SOX6: variants seen among roughly 807,000 people sequenced by gnomAD.
SOX6 encodes the protein SRY-box transcription factor 6, also known as transcription factor SOX-6.
A neutral mutation model predicts 97.8 loss-of-function variants in SOX6; 11 were observed. The ratio of observed to expected loss-of-function variants is 0.11; its 90% CI spans 0.07 to 0.19. The LOEUF (loss-of-function observed/expected upper bound fraction) is 0.19, where lower values mean the gene tolerates loss of function less well. SOX6 is among the 10% of genes least tolerant of loss of function. The pLI is 1.00. For missense variants in SOX6, 810 were observed against 1,039.5 expected (o/e 0.78, Z 3.04); for synonymous variants, 360 against 371.4 (o/e 0.97, Z 0.35).
At chr11:16,384,303 A>G (rs1298809167) in intron 1 of SOX6, among the ~76,000 whole-genome samples, 2 of 151,950 alleles carry the variant, frequency 1.3e-5, no homozygotes, top group Admixed American at 1.3e-4. Flanking sequence ...TAAGAAATAC[A>G]TAAATGTGCA....
intron 3 of SOX6, among the ~76,000 whole-genome samples, chr11:16,639,070 T>A (rs2134002395): frequency 6.6e-6 from 1 of 152,330 alleles, no homozygotes; most frequent in Admixed American, 6.5e-5. Context: ...ATTTAAGTCT[T>A]TAATCCATCT....
intron 4 of SOX6, among the ~76,000 whole-genome samples, chr11:16,572,756 C>T (rs962278205): frequency 5.9e-5 from 9 of 152,190 alleles, no homozygotes; most frequent in African/African-American, 1.9e-4. Flanking sequence ...TCAACCTAAC[C>T]ATTTTTATTT....
chr11:16,219,298 C>T (rs187466704), intron 4 of SOX6, among the ~76,000 whole-genome samples: 6 of 152,088 alleles, frequency 3.9e-5, no homozygotes, highest in Admixed American at 3.3e-4. Flanking sequence ...ATTGGCTCAG[C>T]GTTTTTAAGG....
chr11:16,626,947 A>G (rs1166891559), intron 3 of SOX6, among the ~76,000 whole-genome samples: 2 of 152,168 alleles, frequency 1.3e-5, no homozygotes, highest in African/African-American at 4.8e-5. Flanking sequence ...ATAATACCCA[A>G]TAGTTTTTCA....
chr11:16,175,385 A>C (rs1216600734), intron 6 of SOX6, among the ~76,000 whole-genome samples: 1 of 124,906 alleles, frequency 8.0e-6, no homozygotes. Flanking sequence ...GAATTAGGAA[A>C]TACAGGCTGA....
At chr11:16,510,161 T>C (rs114928903) in intron 4 of SOX6, among the ~76,000 whole-genome samples, 2,236 of 152,164 alleles carry the variant, frequency 0.015, 59 homozygotes, top group African/African-American at 0.051. Flanking sequence ...TCAGAAGCTG[T>C]TAATTCACAA....
In SOX6 at chr11:15,966,843, C is replaced by T. The variant is rs773148938; in HGVS notation, c.*5966G>A. The T allele has an allele frequency of 1.3e-5, 2 of 152,188 alleles. No individual in the cohort carries two copies. The highest frequency in any genetic ancestry group is 2.9e-5 in the Non-Finnish European group (2 of 68,030). The allele number at this position is 152,188 out of a possible 1,614,324, so 9.4% of individuals were successfully genotyped here. Reference sequence around the variant, plus strand: ...TTTATCTCACGTCAATACTGCACAACAAAATCCAAGAAGTTTGTGTATGCA... The same window carrying T: ...TTTATCTCACGTCAATACTGCACAATAAAATCCAAGAAGTTTGTGTATGCA... On this transcript the variant is annotated 3_prime_UTR_variant, in exon 16 of 16. Coordinates refer to ENST00000683767, the MANE Select transcript of SOX6 (RefSeq NM_001367873.1).
chr11:15,986,953 T>C (rs556491332), intron 14 of SOX6, among the ~76,000 whole-genome samples: 8 of 152,280 alleles, frequency 5.3e-5, no homozygotes, highest in Admixed American at 2.0e-4. Flanking sequence ...AAACCTAAGC[T>C]CTACCTAAGA....
At chr11:16,069,621 T>C (rs1330386203) in intron 9 of SOX6, among the ~76,000 whole-genome samples, 2 of 152,216 alleles carry the variant, frequency 1.3e-5, no homozygotes, top group African/African-American at 4.8e-5. Context: ...AAGGTAATTA[T>C]AATCATGTTA....
chr11:16,060,704 G>T (rs1564931715), intron 9 of SOX6, among the ~76,000 whole-genome samples: 1 of 151,824 alleles, frequency 6.6e-6, no homozygotes, highest in Non-Finnish European at 1.5e-5. Context: ...AGTTGAATTT[G>T]TTCCATGTGT....
In SOX6 at chr11:16,183,728, T is replaced by A. The variant is rs183521659; in HGVS notation, c.777+158A>T. Among the ~76,000 whole-genome samples, 11 of 152,222 alleles carry A rather than the reference T, an allele frequency of 7.2e-5. No individual in the cohort carries two copies. The East Asian group carries it at 2.1e-3, about 29-fold the overall frequency. On this transcript the variant is annotated intron_variant, in intron 6 of 15. Coordinates refer to ENST00000683767, the MANE Select transcript of SOX6 (RefSeq NM_001367873.1). ...TGCTTAGGCCACCATCTAGTCCATATTTCTTACATTCAATTATAGAATTGT... is the reference window on the plus strand; with the variant it reads ...TGCTTAGGCCACCATCTAGTCCATAATTCTTACATTCAATTATAGAATTGT...
chr11:16,358,225 C>A (rs2134371096), upstream of SOX6, among the ~76,000 whole-genome samples: 1 of 152,256 alleles, frequency 6.6e-6, no homozygotes, highest in Admixed American at 6.5e-5. Context: ...CCTGATAAAC[C>A]ATTAAACATC....
intron 4 of SOX6, among the ~76,000 whole-genome samples, chr11:16,527,670 T>C (rs1302238334): frequency 6.6e-6 from 1 of 152,140 alleles, no homozygotes; most frequent in Non-Finnish European, 1.5e-5. Flanking sequence ...ACGAAAACTA[T>C]TAATGCACCT....
intron 1 of SOX6, among the ~76,000 whole-genome samples, chr11:16,444,035 C>G (rs981641797): frequency 7.0e-6 from 1 of 143,774 alleles, no homozygotes; most frequent in African/African-American, 2.5e-5. Context: ...AAAAAAATTG[C>G]CCCGACCTTT....
At chr11:16,508,894 G>A (rs1048126009) in intron 4 of SOX6, among the ~76,000 whole-genome samples, 4 of 151,886 alleles carry the variant, frequency 2.6e-5, no homozygotes, top group African/African-American at 9.7e-5. Context: ...TAAATACCCC[G>A]ACATGATCAT....
At chr11:16,455,830 T>C (rs1425036570) in intron 1 of SOX6, among the ~76,000 whole-genome samples, 1 of 152,120 alleles carries the variant, frequency 6.6e-6, no homozygotes, top group African/African-American at 2.4e-5. Context: ...ATTATATGTA[T>C]TTATTACTAT....
At chr11:16,637,446 C>A (rs1365735062) in intron 3 of SOX6, among the ~76,000 whole-genome samples, 1 of 152,106 alleles carries the variant, frequency 6.6e-6, no homozygotes, top group Non-Finnish European at 1.5e-5. Context: ...GTCTTGAACT[C>A]CTGACCTTGA....
At chr11:16,562,837 A>AGAACTG (rs1462804939) in intron 4 of SOX6, among the ~76,000 whole-genome samples, 1 of 152,168 alleles carries the variant, frequency 6.6e-6, no homozygotes, top group African/African-American at 2.4e-5. Flanking sequence ...ATGGGGAGCT[A>AGAACTG]GAACTCCCCA....
At chr11:16,095,792 CA>C (rs1298759332) in intron 9 of SOX6, among the ~76,000 whole-genome samples, 4 of 151,230 alleles carry the variant, frequency 2.6e-5, no homozygotes, top group African/African-American at 9.7e-5. Context: ...AACCTTAATT[CA>C]GGGGCATTGC....
Sources: gnomAD v4.1 joint callset for allele counts (sites outside exome capture counted in the v4.1 genomes callset) on GRCh38, gnomAD v4.1.1 for gene constraint, MANE v1.5 for transcripts, NCBI Gene and HGNC (gene_info 2026-07-23, HGNC 2026-07-21) for gene names.